Variants in ROCK2 observed in about 807,000 individuals in gnomAD.
ROCK2 encodes Rho associated coiled-coil containing protein kinase 2.
A neutral mutation model predicts 195.1 loss-of-function variants in ROCK2; 61 were observed. The ratio of observed to expected loss-of-function variants is 0.31; its 90% CI spans 0.25 to 0.39. ROCK2 has a LOEUF of 0.39. Among genes scored for constraint, ROCK2 ranks in the 10% least tolerant of loss-of-function variants. The probability of loss-of-function intolerance (pLI) is 1.00; values close to 1 mark genes in which losing one functional copy is unlikely to be tolerated. For synonymous variants in ROCK2, 504 were observed against 545.5 expected, an observed-to-expected ratio of 0.92 and a Z score of 1.06; for missense variants, 1,109 against 1,637.4, an observed-to-expected ratio of 0.68 and a Z score of 5.57.
intron 32 of ROCK2, among the ~76,000 whole-genome samples, chr2:11,184,043 A>T (rs1243647616): frequency 6.6e-6 from 1 of 152,220 alleles, no homozygotes; most frequent in African/African-American, 2.4e-5. Context: ...CTCAACTTTC[A>T]TTCAAATCTC....
intron 1 of ROCK2, among the ~76,000 whole-genome samples, chr2:11,299,243 C>G (rs1266438308): frequency 2.0e-5 from 3 of 150,358 alleles, no homozygotes; most frequent in Non-Finnish European, 4.4e-5. Context: ...CACTGCACTC[C>G]AGCCTGGGCG....
chr2:11,221,210 T>C lies in ROCK2; in HGVS notation c.1247A>G (p.Tyr416Cys), dbSNP rs1029575797. 4 of 1,570,570 alleles carry C rather than the reference T, an allele frequency of 2.5e-6. No homozygotes were observed. The highest frequency in any genetic ancestry group is 1.4e-5 in the African/African-American group (1 of 72,670). Residue 416 changes from tyrosine (Y) to cysteine (C), a missense_variant, in exon 9 of 33, where the codon TAT (tyrosine) becomes TGT (cysteine). Physicochemically the swap from Tyr to Cys is radical, Grantham distance 194. Around this residue, in one of 6 missense-constraint regions of ROCK2, gnomAD observed 542 missense variants for 672.0 expected, o/e 0.81. Transcript: ENST00000315872. ...ATAAACCACATACAAATTTTCTCTA[T>C]AGTAGGTAAATCCGATGAAAGGCAG... ...NQLPFIGFTY[Y>C]RENLLLSDSP...
At position 11,344,533 on chromosome 2, in the gene ROCK2, G is replaced by A; in HGVS notation, c.-397C>T. On this transcript the variant is annotated 5_prime_UTR_variant, in exon 1 of 33. Transcript: ENST00000315872. The surrounding 1 kb of genome is among the most constrained non-coding windows in gnomAD (Gnocchi z 5.4). ...CCCCGGGAGGCTGAAGCCCAGGCCTGGGCCACTACGGCCGCCGCCGGCCCG... is the reference window on the plus strand; with the variant it reads ...CCCCGGGAGGCTGAAGCCCAGGCCTAGGCCACTACGGCCGCCGCCGGCCCG... The A allele has an allele frequency of 1.0e-6, 1 of 980,190 alleles. No homozygotes were observed. Among genetic ancestry groups the A allele is most frequent in the Non-Finnish European group, 1.2e-6 (1 of 826,220 alleles). 60.7% of individuals were successfully genotyped at this position (980,190 alleles called of 1,614,324 possible). A position where few individuals can be genotyped will look rare whatever the true frequency, so the allele number is the denominator to read the frequency against.
chr2:11,329,208 T>G (rs1668641897), intron 1 of ROCK2, among the ~76,000 whole-genome samples: 1 of 152,126 alleles, frequency 6.6e-6, no homozygotes, highest in Non-Finnish European at 1.5e-5. Context: ...CATTTTAACC[T>G]TCATATGTTA....
chr2:11,201,913 A>C lies in ROCK2; in HGVS notation c.2619+139T>G. The C allele has an allele frequency of 1.6e-6, 1 of 626,606 alleles. No individual in the cohort carries two copies. Among genetic ancestry groups the C allele is most frequent in the Admixed American group, 2.4e-5 (1 of 40,992 alleles). The allele number at this position is 626,606 out of a possible 1,614,324, so 38.8% of individuals were successfully genotyped here. A position where few individuals can be genotyped will look rare whatever the true frequency, so the allele number is the denominator to read the frequency against. On this transcript the variant is annotated intron_variant, in intron 21 of 32. Transcript: ENST00000315872. This position sits in a 1 kb window ranked among gnomAD's most constrained non-coding sequence, Gnocchi z 4.6. ...GTTTTGTGCTTAGAATTATTTTTCT[A>C]GCAATGATAATAAATTTCTCTTAAA...
At chr2:11,217,353 GC>G in intron 11 of ROCK2, 184 bp from the exon 12 acceptor site, 1 of 696,990 alleles carries the variant, frequency 1.4e-6, no homozygotes, top group East Asian at 2.8e-5. Context: ...CCCATCTCTT[GC>G]TTTCTATCAG....
chr2:11,198,917 T>A, intron 23 of ROCK2, 143 bp from the exon 24 acceptor site: 1 of 592,248 alleles, frequency 1.7e-6, no homozygotes, highest in South Asian at 2.2e-5. Flanking sequence ...AGTCTTGCTC[T>A]GTCACCCAGG....
intron 3 of ROCK2, among the ~76,000 whole-genome samples, chr2:11,250,673 C>A (rs1420291337): frequency 1.3e-5 from 2 of 152,176 alleles, no homozygotes; most frequent in Non-Finnish European, 2.9e-5. Flanking sequence ...GCTAAAAAAA[C>A]CTCTGGCACC....
chr2:11,185,780 G>A (rs895087601), intron 32 of ROCK2, among the ~76,000 whole-genome samples: 2 of 147,030 alleles, frequency 1.4e-5, no homozygotes, highest in Non-Finnish European at 3.1e-5. Context: ...ATAAAAAAAA[G>A]CAGTAACTTT....
chr2:11,273,488 C>T (rs1200833786), intron 3 of ROCK2, among the ~76,000 whole-genome samples: 7 of 151,970 alleles, frequency 4.6e-5, no homozygotes, highest in African/African-American at 1.7e-4. Context: ...TAGTAACAGA[C>T]CATCAAAATA....
chr2:11,274,172 T>C (rs1405574811), intron 3 of ROCK2, among the ~76,000 whole-genome samples: 1 of 150,852 alleles, frequency 6.6e-6, no homozygotes, highest in Non-Finnish European at 1.5e-5. Flanking sequence ...GATCTGAAAT[T>C]AAAAACGAAA....
chr2:11,194,074 G>A (rs1481276992), intron 29 of ROCK2, 182 bp downstream of exon 29: 1 of 457,410 alleles, frequency 2.2e-6, no homozygotes, highest in Non-Finnish European at 3.9e-6. Context: ...TGTATCAAAG[G>A]CCCATGAAAT....
intron 4 of ROCK2, among the ~76,000 whole-genome samples, chr2:11,239,536 G>T (rs1018227748): frequency 2.6e-5 from 4 of 152,152 alleles, no homozygotes; most frequent in African/African-American, 9.7e-5. Flanking sequence ...CTACCTAAAA[G>T]AAATGAAATA....
chr2:11,298,234 C>T (rs558710678), intron 1 of ROCK2, among the ~76,000 whole-genome samples: 1 of 152,174 alleles, frequency 6.6e-6, no homozygotes, highest in South Asian at 2.1e-4. Flanking sequence ...CTTTGGGAGG[C>T]CGTGGCAGGC....
In ROCK2 at chr2:11,287,741, T is replaced by C; in HGVS notation, c.142-5A>G. ...GACCAAGGAATTTAAGCCATCCTGT[T>C]AAGAAATAAAAAGAGGAAATGACAG... is the stretch of plus-strand genomic sequence containing the variant. On this transcript the variant is annotated splice_region_variant and splice_polypyrimidine_tract_variant and intron_variant, in intron 1 of 32. Transcript: ENST00000315872. 6 of 1,245,464 alleles carry C rather than the reference T, an allele frequency of 4.8e-6. No homozygotes were observed. Among genetic ancestry groups the C allele is most frequent in the Non-Finnish European group, 6.5e-6 (6 of 927,040 alleles). 77.2% of individuals were successfully genotyped at this position (1,245,464 alleles called of 1,614,324 possible).
intron 20 of ROCK2, among the ~76,000 whole-genome samples, chr2:11,205,480 T>A (rs561531430): frequency 6.6e-6 from 1 of 152,186 alleles, no homozygotes; most frequent in African/African-American, 2.4e-5. Flanking sequence ...GTTTATATAT[T>A]TTTTAATTCC....
chr2:11,189,676 A>C (rs1663340617), intron 32 of ROCK2, among the ~76,000 whole-genome samples: 1 of 152,100 alleles, frequency 6.6e-6, no homozygotes, highest in African/African-American at 2.4e-5. Context: ...GACTCTTAAA[A>C]TGTGACATTC....
intron 3 of ROCK2, among the ~76,000 whole-genome samples, chr2:11,282,828 G>A (rs963880470): frequency 6.6e-6 from 1 of 151,692 alleles, no homozygotes; most frequent in African/African-American, 2.4e-5. Flanking sequence ...AAGACTGGGG[G>A]AAAATATTTG....
At chr2:11,196,003 G>T (rs1322376702) in intron 27 of ROCK2, among the ~76,000 whole-genome samples, 1 of 151,950 alleles carries the variant, frequency 6.6e-6, no homozygotes, top group Non-Finnish European at 1.5e-5. Flanking sequence ...TAGCATTTGG[G>T]GAAGTTATTC....
Sources: allele counts gnomAD v4.1 joint callset (sites outside exome capture counted in the v4.1 genomes callset), GRCh38; gene constraint gnomAD v4.1.1; regional missense constraint gnomAD v4.1.1; non-coding constraint Gnocchi (gnomAD v3.1); transcripts MANE v1.5; gene names NCBI Gene and HGNC (gene_info 2026-07-23, HGNC 2026-07-21).